TOGARAM2: variants seen among roughly 807,000 people sequenced by gnomAD.
TOGARAM2 encodes TOG array regulator of axonemal microtubules protein 2.
In TOGARAM2, 85 loss-of-function variants were observed where a neutral mutation model predicts 93.3. That is an observed-to-expected ratio of 0.91 (90% CI 0.76 to 1.09). The LOEUF (loss-of-function observed/expected upper bound fraction) is 1.09. Among genes scored for constraint, TOGARAM2 ranks in the 50% least tolerant of loss-of-function variants. The pLI is 0.00. For synonymous variants in TOGARAM2, 593 were observed against 552.8 expected, an observed-to-expected ratio of 1.07 and a Z score of -1.02; for missense variants, 1,277 against 1,334.5, an observed-to-expected ratio of 0.96 and a Z score of 0.67.
At position 29,014,480 on chromosome 2, in the gene TOGARAM2, G is replaced by A. The variant is rs369357807; in HGVS notation, c.963G>A (p.Thr321=). 73 of 1,595,428 alleles carry A rather than the reference G, an allele frequency of 4.6e-5. No individual in the cohort carries two copies. In the South Asian group the frequency reaches 5.0e-4, roughly 11 times the overall value. The change falls in exon 8 of 20, where the codon ACG becomes ACA. Residue 321 remains threonine, a synonymous_variant. Coordinates refer to ENST00000379558, the MANE Select transcript of TOGARAM2 (RefSeq NM_199280.4). ...PALPFSQSAP[T]LTAFSFDCAR... ...TGCCTTTTTCTCAGTCTGCTCCCAC[G>A]CTGACAGCCTTCTCCTTTGACTGTG...
intron 4 of TOGARAM2, among the ~76,000 whole-genome samples, chr2:28,999,688 A>T (rs745848076): frequency 3.3e-5 from 5 of 152,152 alleles, no homozygotes; most frequent in Non-Finnish European, 1.5e-5. Context: ...TGGCCTCTTC[A>T]TTCCCACCCT....
intron 14 of TOGARAM2, 196 bp from the exon 15 acceptor site, chr2:29,032,738 G>A: frequency 1.9e-6 from 1 of 519,130 alleles, no homozygotes; most frequent in Non-Finnish European, 3.4e-6. Flanking sequence ...AATTTAATAG[G>A]GATTTTCTCT....
intron 6 of TOGARAM2, among the ~76,000 whole-genome samples, chr2:29,005,218 T>A (rs1383837487): frequency 6.8e-6 from 1 of 146,136 alleles, no homozygotes; most frequent in Non-Finnish European, 1.5e-5. Flanking sequence ...TGGGTATGTG[T>A]GCATGTGTGT....
intron 1 of TOGARAM2, among the ~76,000 whole-genome samples, chr2:28,959,520 G>A (rs141345129): frequency 1.6e-4 from 25 of 152,276 alleles, no homozygotes; most frequent in African/African-American, 4.8e-4. Context: ...TTGGAAGGCC[G>A]AGGGGGGCGG....
Position 29,036,527 on chromosome 2 carries a change from T to C in TOGARAM2, c.2419-14T>C. The C allele has an allele frequency of 6.2e-6, 10 of 1,613,722 alleles. No individual in the cohort carries two copies. The highest frequency in any genetic ancestry group is 6.8e-6 in the Non-Finnish European group (8 of 1,179,740). Reference sequence around the variant, plus strand: ...TGGGTTCCCATGGGCTCTTGGTTTCTGTTTCTTCAATAGGTCTTTGATGCT... The same window carrying C: ...TGGGTTCCCATGGGCTCTTGGTTTCCGTTTCTTCAATAGGTCTTTGATGCT... On this transcript the variant is annotated splice_polypyrimidine_tract_variant and intron_variant, in intron 17 of 19. Transcript: ENST00000379558.
chr2:28,959,068 G>C (rs1671764059), intron 1 of TOGARAM2, among the ~76,000 whole-genome samples: 1 of 152,164 alleles, frequency 6.6e-6, no homozygotes, highest in South Asian at 2.1e-4. Context: ...GGAGGAGATC[G>C]AGTCTCCAGG....
chr2:29,033,612 G>A, intron 16 of TOGARAM2, 49 bp downstream of exon 16: 1 of 1,564,606 alleles, frequency 6.4e-7, no homozygotes, highest in South Asian at 1.2e-5. Context: ...ACTTCTGACA[G>A]AGGCATCCTG....
At chr2:29,011,605 G>T in intron 7 of TOGARAM2, 104 bp downstream of exon 7, 1 of 1,151,568 alleles carries the variant, frequency 8.7e-7, no homozygotes, top group East Asian at 2.8e-5. Context: ...GAGAGCTCTT[G>T]TGTCTGGGCC....
Position 29,033,000 on chromosome 2 carries a change from A to C in TOGARAM2, c.2079A>C (p.Gln693His). The change falls in exon 15 of 20, where the codon CAA becomes CAC. Residue 693 changes from glutamine (Q) to histidine (H), a missense_variant. Transcript: ENST00000379558. Reference protein sequence around the residue: ...ANTKFDAFLKQSLPSYDLQKV... With the variant: ...ANTKFDAFLKHSLPSYDLQKV... ...CTAAGTTTGATGCATTTCTGAAGCA[A>C]TCTCTCCCATCTTACGACTTGCAGA... 1 of 1,613,858 alleles carries C rather than the reference A, an allele frequency of 6.2e-7. No homozygotes were observed. The highest frequency in any genetic ancestry group is 1.1e-5 in the South Asian group (1 of 91,004).
intron 6 of TOGARAM2, among the ~76,000 whole-genome samples, 194 bp downstream of exon 6, chr2:29,003,876 C>T (rs769272432): frequency 6.6e-6 from 1 of 152,228 alleles, no homozygotes; most frequent in South Asian, 2.1e-4. Context: ...GGCTTCTCTG[C>T]CTCTTGGCTC....
chr2:28,985,024 G>A lies in TOGARAM2; in HGVS notation c.-111+3486G>A, dbSNP rs375502261. ...TGGCTCCTGATGGCCTTATGTAGGT[G>A]TTATAGACTGAATGCATGCGTCCCA... On this transcript the variant is annotated intron_variant, in intron 1 of 19. Transcript: ENST00000379558. 4.4e-4 allele frequency among the ~76,000 whole-genome samples: 67 copies of A among 152,322 alleles called. 1 individual carries two copies. The East Asian group carries it at 7.5e-3, about 17-fold the overall frequency.
rs202210296 is a variant in TOGARAM2 at position 29,005,152 on chromosome 2, T to TGTA, written c.830+1470_830+1471insGTA. On this transcript the variant is annotated intron_variant, in intron 6 of 19. Coordinates refer to ENST00000379558, the MANE Select transcript of TOGARAM2 (RefSeq NM_199280.4). ...GCATGTGTATGTGTGTGAGTGCATG[T>TGTA]TGTGTGTGAGTGCATGTGTAAGGGC... 4.5e-4 allele frequency among the ~76,000 whole-genome samples: 6 copies of TGTA among 13,282 alleles called. 1 individual carries two copies. The highest frequency in any genetic ancestry group is 1.9e-3 in the East Asian group (1 of 540). 8.7% of individuals were successfully genotyped at this position (13,282 alleles called of 152,430 possible).
chr2:29,003,674 A>G lies in TOGARAM2; in HGVS notation c.822A>G (p.Pro274=). The G allele has an allele frequency of 6.5e-7, 1 of 1,539,116 alleles. No individual in the cohort carries two copies. The highest frequency in any genetic ancestry group is 8.7e-7 in the Non-Finnish European group (1 of 1,144,366). The change falls in exon 6 of 20, where the codon CCA becomes CCG. Residue 274 remains proline (P), a synonymous_variant. Coordinates refer to ENST00000379558, the MANE Select transcript of TOGARAM2 (RefSeq NM_199280.4). ...GQGVLTGLRA[P]RTRLARGSGP... ...GAGTCCTCACAGGCCTGAGGGCCCC[A>G]CGCACGCGGTAAGAGCTCCAAGTCA...
rs61378143 is a variant in TOGARAM2, at chr2:29,019,177, CTTTTT to C, written c.1360+1238_1360+1242del. Among the ~76,000 whole-genome samples the C allele has an allele frequency of 5.1e-3, 623 of 121,704 alleles. 5 individuals carry two copies. Among genetic ancestry groups the C allele is most frequent in the African/African-American group, 0.018 (585 of 32,488 alleles). The allele number at this position is 121,704 out of a possible 152,430, so 79.8% of individuals were successfully genotyped here. ...ATTGATGTATATAACCCAACTGACT[CTTTTT>C]TTTTTTTTTTTTTTTTATGACAGAG... On this transcript the variant is annotated intron_variant, in intron 10 of 19. Coordinates refer to ENST00000379558, the MANE Select transcript of TOGARAM2 (RefSeq NM_199280.4).
At chr2:28,991,682 C>T (rs1672740508) in intron 1 of TOGARAM2, among the ~76,000 whole-genome samples, 1 of 152,164 alleles carries the variant, frequency 6.6e-6, no homozygotes, top group African/African-American at 2.4e-5. Context: ...CTGCACGCTC[C>T]CTGTGGACTG....
chr2:29,048,129 A>C (rs1572800787), intron 19 of TOGARAM2: 1 of 152,284 alleles, frequency 6.6e-6, no homozygotes, highest in Non-Finnish European at 1.5e-5. Context: ...GGTGGCAAGG[A>C]AGACAGAATT....
At chr2:29,045,824 G>A (rs958561281) in intron 19 of TOGARAM2, 29 of 263,750 alleles carry the variant, frequency 1.1e-4, no homozygotes, top group African/African-American at 5.8e-4. Flanking sequence ...AAAAAAAGCC[G>A]AAGTACTTCT....
intron 14 of TOGARAM2, among the ~76,000 whole-genome samples, chr2:29,028,570 C>T (rs928773904): frequency 7.9e-5 from 12 of 151,990 alleles, no homozygotes; most frequent in Admixed American, 6.5e-4. Flanking sequence ...TGACCCCCTG[C>T]TTATTAATAA....
intron 1 of TOGARAM2, among the ~76,000 whole-genome samples, chr2:28,989,099 G>C (rs1190115163): frequency 1.3e-5 from 2 of 152,176 alleles, no homozygotes; most frequent in African/African-American, 4.8e-5. Flanking sequence ...GCCCAGGCTG[G>C]AGTGCAGTGG....
Sources: gnomAD v4.1 joint callset for allele counts (sites outside exome capture counted in the v4.1 genomes callset) on GRCh38, gnomAD v4.1.1 for gene constraint, MANE v1.5 for transcripts, NCBI Gene and HGNC (gene_info 2026-07-23, HGNC 2026-07-21) for gene names.